SLCO4A1: variants seen among roughly 807,000 people sequenced by gnomAD.
SLCO4A1 encodes the protein solute carrier organic anion transporter family member 4A1.
In SLCO4A1, 51 loss-of-function variants were observed where a neutral mutation model predicts 64.6. The ratio of observed to expected loss-of-function variants is 0.79; its 90% CI spans 0.63 to 1.00. The LOEUF is 1.00. Ranked by LOEUF, SLCO4A1 falls within the 50% of genes least tolerant of loss-of-function variation. The pLI, the probability that SLCO4A1 is intolerant of heterozygous loss-of-function variation, is 0.00. For missense variants in SLCO4A1, 919 were observed against 980.5 expected (o/e 0.94, Z 0.84); for synonymous variants, 471 against 444.9 (o/e 1.06, Z -0.74).
In SLCO4A1 at chr20:62,661,838, G is replaced by A. The variant is rs1264988518; in HGVS notation, c.1121+663G>A. Among the ~76,000 whole-genome samples the A allele has an allele frequency of 6.9e-6, 1 of 145,838 alleles. No individual in the cohort carries two copies. Reference sequence around the variant, plus strand: ...GCTGCACTGCTAGGGTGAACCCGGGGCCCTGAGCCGGTGGGGTCCTAGAGG... The same window carrying A: ...GCTGCACTGCTAGGGTGAACCCGGGACCCTGAGCCGGTGGGGTCCTAGAGG... On this transcript the variant is annotated intron_variant, in intron 5 of 11. Coordinates refer to ENST00000217159, the MANE Select transcript of SLCO4A1 (RefSeq NM_016354.4). The surrounding 1 kb of genome is among the most constrained non-coding windows in gnomAD (Gnocchi z 5.2).
At chr20:62,675,253 T>C (rs1025424002), downstream of SLCO4A1, among the ~76,000 whole-genome samples, 2 of 152,032 alleles carry the variant, frequency 1.3e-5, no homozygotes, top group African/African-American at 4.8e-5. Flanking sequence ...AAGGCATCCA[T>C]CTCCCTGCCG....
chr20:62,667,964 GC>G, intron 8 of SLCO4A1, 47 bp from the exon 9 acceptor site: 2 of 1,613,798 alleles, frequency 1.2e-6, no homozygotes, highest in Non-Finnish European at 1.7e-6. Flanking sequence ...CTGGGAAGGG[GC>G]CCCCGTGCCT....
intron 3 of SLCO4A1, 23 bp downstream of exon 3, chr20:62,658,790 G>T: frequency 6.4e-7 from 1 of 1,561,528 alleles, no homozygotes; most frequent in East Asian, 2.3e-5. Flanking sequence ...GCACCCAGCT[G>T]CCTGCGCTGG....
chr20:62,683,865 C>T (rs750919863), intron 2 of SLCO4A1, among the ~76,000 whole-genome samples: 5 of 152,040 alleles, frequency 3.3e-5, no homozygotes, highest in Non-Finnish European at 7.4e-5. Context: ...ACGCTCCCCA[C>T]ACATGCAAAG....
At chr20:62,666,125 CT>C (rs1601664334) in intron 6 of SLCO4A1, 1 of 123,134 alleles carries the variant, frequency 8.1e-6, no homozygotes, top group East Asian at 3.2e-4. Context: ...CCCGCTCCCC[CT>C]TCCCCTTCCC....
chr20:62,674,266 G>A (rs115972921), downstream of SLCO4A1, among the ~76,000 whole-genome samples: 820 of 152,298 alleles, frequency 5.4e-3, 11 homozygotes, highest in African/African-American at 0.019. Context: ...TGTCAGAGGC[G>A]TGTGGCACTG....
rs920548258 is a variant in SLCO4A1, at chr20:62,645,686, C to A, written c.-97+3133C>A. 6.6e-6 allele frequency among the ~76,000 whole-genome samples: 1 copy of A among 151,942 alleles called. No homozygotes were observed. Among genetic ancestry groups the A allele is most frequent in the Non-Finnish European group, 1.5e-5 (1 of 67,956 alleles). On this transcript the variant is annotated intron_variant, in intron 1 of 11. Transcript: ENST00000217159. The surrounding 1 kb of genome is among the most constrained non-coding windows in gnomAD (Gnocchi z 4.2). ...CAAACCACGTGCCTTCTGCAGAAGC[C>A]GCTCCCCACGTAGCCCAAGCGTAGG... is the stretch of plus-strand genomic sequence containing the variant.
rs1987305730 is a variant in SLCO4A1 at position 62,672,065 on chromosome 20, C to T, written c.*172C>T. On this transcript the variant is annotated 3_prime_UTR_variant, in exon 12 of 12. Transcript: ENST00000217159. ...CTGTCCCCAGAGCTGTACGGCCCTG[C>T]AGTGGGTGGGAGGAACTTGCATAAA... 6.7e-7 allele frequency: 1 copy of T among 1,501,610 alleles called. No individual in the cohort carries two copies. Among genetic ancestry groups the T allele is most frequent in the Non-Finnish European group, 8.9e-7 (1 of 1,126,822 alleles). The allele number at this position is 1,501,610 out of a possible 1,614,324, so 93.0% of individuals were successfully genotyped here.
rs967507828 is a variant in SLCO4A1, at chr20:62,657,192, G to A, written c.738G>A (p.Thr246=). The A allele has an allele frequency of 3.9e-6, 6 of 1,549,782 alleles. No homozygotes were observed. The highest frequency in any genetic ancestry group is 2.4e-5 in the East Asian group (1 of 40,936). Residue 246 remains threonine, a synonymous_variant, in exon 2 of 12, where the codon ACG becomes ACA. Transcript: ENST00000217159. The part of the protein sequence containing the change: ...LHGVGATPLY[T]LGVTYLDENV... ...GCGTGGGTGCCACACCCCTCTACAC[G>A]CTGGGCGTCACCTACCTGGATGAGA...
At chr20:62,667,653 A>C in intron 7 of SLCO4A1, 92 bp from the exon 8 acceptor site, 2 of 1,450,460 alleles carry the variant, frequency 1.4e-6, no homozygotes, top group Non-Finnish European at 1.9e-6. Flanking sequence ...TGCAGGCTGC[A>C]TGGGGACGAG....
At chr20:62,660,285 T>A in intron 3 of SLCO4A1, 127 bp from the exon 4 acceptor site, 1 of 1,094,130 alleles carries the variant, frequency 9.1e-7, no homozygotes, top group Non-Finnish European at 1.3e-6. Flanking sequence ...CAGGGGCCTG[T>A]GTTGACCAGC....
chr20:62,657,233 G>A lies in SLCO4A1; in HGVS notation c.779G>A (p.Cys260Tyr). The A allele has an allele frequency of 6.5e-7, 1 of 1,533,496 alleles. No individual in the cohort carries two copies. The highest frequency in any genetic ancestry group is 1.4e-5 in the African/African-American group (1 of 72,908). 95.0% of individuals were successfully genotyped at this position (1,533,496 alleles called of 1,614,324 possible). A position where few individuals can be genotyped will look rare whatever the true frequency, so the allele number is the denominator to read the frequency against. ...TYLDENVKSS[C>Y]SPVYIAIFYT... Reference sequence around the variant, plus strand: ...CTGGATGAGAACGTCAAGTCCAGCTGCTCGCCCGTCTACATTGGTGAGTGG... The same window carrying A: ...CTGGATGAGAACGTCAAGTCCAGCTACTCGCCCGTCTACATTGGTGAGTGG... Residue 260 changes from cysteine to tyrosine, a missense_variant, in exon 2 of 12, where the codon TGC becomes TAC. Physicochemically the swap from Cys to Tyr is radical, Grantham distance 194 (BLOSUM62 -2). Transcript: ENST00000217159.
In SLCO4A1 at chr20:62,685,651, T is replaced by G. The variant is rs534322622; in HGVS notation, n.422T>G. On this transcript the variant is annotated non_coding_transcript_exon_variant, in exon 3 of 3. Coordinates refer to the SLCO4A1 transcript ENST00000466818. This position sits in a 1 kb window ranked among gnomAD's most constrained non-coding sequence, Gnocchi z 4.6. ...TCCGATGCCCAGGGCACGAAAGAGG[T>G]GGACGAAACAACGGAAGTGGAGGGG... The G allele has an allele frequency of 3.1e-5, 5 of 162,444 alleles. No homozygotes were observed. Among genetic ancestry groups the G allele is most frequent in the African/African-American group, 1.2e-4 (5 of 41,608 alleles). 10.1% of individuals were successfully genotyped at this position (162,444 alleles called of 1,614,324 possible).
At chr20:62,687,171 G>GGAGCCCCCAAACAGGA (rs1453943642), downstream of SLCO4A1, among the ~76,000 whole-genome samples, 1 of 148,906 alleles carries the variant, frequency 6.7e-6, no homozygotes, top group African/African-American at 2.5e-5. Context: ...CGATGGAAAG[G>GGAGCCCCCAAACAGGA]GCGCCCCCAA....
chr20:62,671,632 C>T (rs989041337), intron 11 of SLCO4A1, 118 bp from the exon 12 acceptor site: 105 of 898,108 alleles, frequency 1.2e-4, no homozygotes, highest in Middle Eastern at 3.3e-4. Context: ...GATGGGTTTC[C>T]GTGGACCTGG....
Position 62,661,294 on chromosome 20 carries a change from C to T in SLCO4A1, c.1121+119C>T, listed in dbSNP as rs925853094. The T allele has an allele frequency of 6.4e-5, 46 of 717,840 alleles. No individual in the cohort carries two copies. Among genetic ancestry groups the T allele is most frequent in the Non-Finnish European group, 9.5e-5 (39 of 409,336 alleles). 44.5% of individuals were successfully genotyped at this position (717,840 alleles called of 1,614,324 possible). ...TGGGGACGCAGCCCCTAACCTCTGT[C>T]GTGACCCTGGGCCAAGAGATTAAGG... On this transcript the variant is annotated intron_variant, in intron 5 of 11. Transcript: ENST00000217159. This position sits in a 1 kb window ranked among gnomAD's most constrained non-coding sequence, Gnocchi z 5.2.
At chr20:62,653,189 G>A (rs556564732) in intron 1 of SLCO4A1, among the ~76,000 whole-genome samples, 37 of 152,356 alleles carry the variant, frequency 2.4e-4, no homozygotes, top group African/African-American at 8.4e-4. Context: ...CTGAGAGGGC[G>A]AGACCTCCGA....
At chr20:62,679,426 A>G (rs1987732410) in intron 2 of SLCO4A1, among the ~76,000 whole-genome samples, 3 of 151,960 alleles carry the variant, frequency 2.0e-5, no homozygotes, top group Admixed American at 2.0e-4. Flanking sequence ...CAGTGGTACA[A>G]TCATGGCTGA....
intron 11 of SLCO4A1, 98 bp from the exon 12 acceptor site, chr20:62,671,652 T>C (rs3787538): frequency 0.41 from 470,725 of 1,158,626 alleles, 97,461 homozygotes; most frequent in Admixed American, 0.42. Context: ...GTGAGGGTGC[T>C]GCAGGCTGGG....
Sources: gnomAD v4.1 joint callset for allele counts (sites outside exome capture counted in the v4.1 genomes callset) on GRCh38, gnomAD v4.1.1 for gene constraint, Gnocchi (gnomAD v3.1) non-coding constraint, MANE v1.5 for transcripts, NCBI Gene and HGNC (gene_info 2026-07-23, HGNC 2026-07-21) for gene names.